PARD3B: variants seen among roughly 807,000 people sequenced by gnomAD.
The protein encoded by PARD3B is par-3 family cell polarity regulator beta, also known as partitioning defective 3 homolog B.
Under a neutral mutation model 130.2 loss-of-function variants are expected in PARD3B, and 103 were observed. That is an observed-to-expected ratio of 0.79 (90% confidence interval 0.67 to 0.93). PARD3B has a LOEUF of 0.93. PARD3B is among the 40% of genes least tolerant of loss of function. PARD3B has a pLI of 0.00. For synonymous variants in PARD3B, 583 were observed against 553.2 expected (o/e 1.05, Z -0.76); for missense variants, 1,609 against 1,499.2 (o/e 1.07, Z -1.21).
chr2:204,808,202 C>A (rs1238591681), intron 2 of PARD3B, among the ~76,000 whole-genome samples: 1 of 151,814 alleles, frequency 6.6e-6, no homozygotes, highest in Non-Finnish European at 1.5e-5. Context: ...CATTTCTATT[C>A]TTTTTTTACT....
intron 19 of PARD3B, among the ~76,000 whole-genome samples, chr2:205,408,174 T>G (rs149409259): frequency 6.6e-6 from 1 of 152,336 alleles, no homozygotes; most frequent in East Asian, 1.9e-4. Flanking sequence ...GACTTCTCCC[T>G]TGCCTTATCA....
chr2:204,735,074 C>T (rs892645558), intron 2 of PARD3B, among the ~76,000 whole-genome samples: 5 of 145,532 alleles, frequency 3.4e-5, no homozygotes, highest in Non-Finnish European at 5.9e-5. Context: ...AAAATCGTTA[C>T]AGTAGCAATT....
At chr2:205,477,478 T>C (rs925006229) in intron 20 of PARD3B, among the ~76,000 whole-genome samples, 2 of 152,192 alleles carry the variant, frequency 1.3e-5, no homozygotes, top group African/African-American at 4.8e-5. Context: ...TATGTCTAAA[T>C]GTCTCCTGTG....
At chr2:205,485,636 A>G (rs768649001) in intron 20 of PARD3B, among the ~76,000 whole-genome samples, 2 of 152,204 alleles carry the variant, frequency 1.3e-5, no homozygotes, top group Non-Finnish European at 2.9e-5. Context: ...CCTACTTGCA[A>G]TTCTTCAGTG....
At chr2:204,659,784 T>A (rs985876598) in intron 1 of PARD3B, among the ~76,000 whole-genome samples, 4 of 152,210 alleles carry the variant, frequency 2.6e-5, no homozygotes, top group Non-Finnish European at 5.9e-5. Context: ...CTTTCATACA[T>A]TATTTAACAG....
intron 21 of PARD3B, among the ~76,000 whole-genome samples, chr2:205,546,459 A>G (rs1217627983): frequency 6.6e-6 from 1 of 152,198 alleles, no homozygotes; most frequent in Non-Finnish European, 1.5e-5. Flanking sequence ...GATTTAAAAA[A>G]AATTAATTGG....
At chr2:204,661,787 G>T (rs1399857052) in intron 1 of PARD3B, among the ~76,000 whole-genome samples, 1 of 152,012 alleles carries the variant, frequency 6.6e-6, no homozygotes, top group East Asian at 1.9e-4. Context: ...ACTGAAAAAA[G>T]TATTGTTTTA....
chr2:204,862,523 T>G (rs1180735748), intron 2 of PARD3B, among the ~76,000 whole-genome samples: 1 of 152,226 alleles, frequency 6.6e-6, no homozygotes, highest in Admixed American at 6.5e-5. Context: ...CTTTTAGTAC[T>G]AGGTTCCTCC....
chr2:205,449,054 T>C (rs539960384), intron 20 of PARD3B, among the ~76,000 whole-genome samples: 1 of 150,136 alleles, frequency 6.7e-6, no homozygotes, highest in East Asian at 2.0e-4. Flanking sequence ...TAATCCCAGC[T>C]ACTTGGGAGG....
intron 1 of PARD3B, among the ~76,000 whole-genome samples, chr2:204,574,175 C>G (rs2125071758): frequency 6.6e-6 from 1 of 152,226 alleles, no homozygotes; most frequent in Middle Eastern, 3.4e-3. Context: ...GTTTAAGAAC[C>G]ATGATATCAG....
chr2:205,367,494 C>T (rs2044653334), intron 18 of PARD3B, among the ~76,000 whole-genome samples: 1 of 152,178 alleles, frequency 6.6e-6, no homozygotes, highest in African/African-American at 2.4e-5. Flanking sequence ...ATCTGCTTAT[C>T]TAGAGACCTT....
At chr2:205,576,505 T>C (rs2053765342) in intron 22 of PARD3B, among the ~76,000 whole-genome samples, 1 of 152,210 alleles carries the variant, frequency 6.6e-6, no homozygotes, top group Admixed American at 6.5e-5. Flanking sequence ...GATTCATTTT[T>C]TGCATGTGGA....
intron 1 of PARD3B, among the ~76,000 whole-genome samples, chr2:204,580,087 T>TGACCCAGGGG: frequency 6.6e-6 from 1 of 152,292 alleles, no homozygotes; most frequent in Admixed American, 6.5e-5. Context: ...AGCCAGTCCT[T>TGACCCAGGGG]GACCCAGGGG....
At chr2:204,655,012 C>T (rs1406352722) in intron 1 of PARD3B, among the ~76,000 whole-genome samples, 1 of 152,094 alleles carries the variant, frequency 6.6e-6, no homozygotes, top group Non-Finnish European at 1.5e-5. Context: ...ACACTTGTCT[C>T]CCCCAGAAAT....
intron 2 of PARD3B, among the ~76,000 whole-genome samples, chr2:204,739,813 A>G (rs2125359824): frequency 6.6e-6 from 1 of 152,076 alleles, no homozygotes; most frequent in East Asian, 1.9e-4. Flanking sequence ...TTTTTATCGG[A>G]AAAAAATTTT....
At chr2:204,792,316 T>G (rs1461478097) in intron 2 of PARD3B, among the ~76,000 whole-genome samples, 2 of 152,184 alleles carry the variant, frequency 1.3e-5, no homozygotes, top group Non-Finnish European at 2.9e-5. Flanking sequence ...TTAAAGTGCT[T>G]AAAATATTAT....
intron 18 of PARD3B, among the ~76,000 whole-genome samples, chr2:205,380,934 G>GAATATATAT (rs1393402838): frequency 2.5e-5 from 2 of 81,444 alleles, no homozygotes; most frequent in East Asian, 6.7e-4. Context: ...AATATATAAA[G>GAATATATAT]AATATATATA....
intron 10 of PARD3B, among the ~76,000 whole-genome samples, chr2:205,132,688 C>T (rs903688488): frequency 6.6e-6 from 1 of 152,144 alleles, no homozygotes; most frequent in African/African-American, 2.4e-5. Context: ...CTTAAGATGC[C>T]ACATTTGGGA....
At chr2:205,066,283 C>G (rs143558257) in intron 4 of PARD3B, among the ~76,000 whole-genome samples, 86 of 152,218 alleles carry the variant, frequency 5.6e-4, no homozygotes, top group African/African-American at 1.3e-3. Context: ...GACATTTGGT[C>G]GCATGGTTAA....
Sources: gnomAD v4.1 joint callset for allele counts (sites outside exome capture counted in the v4.1 genomes callset) on GRCh38, gnomAD v4.1.1 for gene constraint, MANE v1.5 for transcripts, NCBI Gene and HGNC (gene_info 2026-07-23, HGNC 2026-07-21) for gene names.